KCNH1: variants seen among roughly 807,000 people sequenced by gnomAD.
KCNH1 encodes voltage-gated delayed rectifier potassium channel KCNH1.
KCNH1 carries 27 observed loss-of-function variants against 69.2 expected under a neutral mutation model. The ratio of observed to expected loss-of-function variants is 0.39; its 90% CI spans 0.29 to 0.54. KCNH1 has a LOEUF of 0.54. KCNH1 is among the 20% of genes least tolerant of loss of function. The pLI, the probability that KCNH1 is intolerant of heterozygous loss-of-function variation, is 0.68. For synonymous variants in KCNH1, 456 were observed against 487.7 expected, an observed-to-expected ratio of 0.93 and a Z score of 0.86; for missense variants, 798 against 1,261.6, an observed-to-expected ratio of 0.63 and a Z score of 5.57.
intron 7 of KCNH1, chr1:210,859,561 T>A (rs1327471742): frequency 1.3e-6 from 2 of 1,568,160 alleles, no homozygotes; most frequent in East Asian, 4.5e-5. Context: ...TTTCCCATCT[T>A]CATCAATATC....
chr1:211,029,564 A>T (rs1330429071), intron 5 of KCNH1, among the ~76,000 whole-genome samples: 3 of 152,030 alleles, frequency 2.0e-5, no homozygotes, highest in African/African-American at 7.2e-5. Context: ...AACTTAATAA[A>T]GAGCATCTAC....
chr1:210,694,491 C>T (rs1681595530), intron 10 of KCNH1, among the ~76,000 whole-genome samples: 1 of 152,126 alleles, frequency 6.6e-6, no homozygotes, highest in Non-Finnish European at 1.5e-5. Context: ...CTGCCTGAGC[C>T]CTCTGTCTGC....
At chr1:210,913,125 G>C (rs910566566) in intron 7 of KCNH1, among the ~76,000 whole-genome samples, 2 of 151,886 alleles carry the variant, frequency 1.3e-5, no homozygotes, top group African/African-American at 4.9e-5. Context: ...GTCCAAAATG[G>C]GGGCACCCAA....
intron 9 of KCNH1, among the ~76,000 whole-genome samples, chr1:210,795,453 C>T (rs1250498923): frequency 6.6e-6 from 1 of 152,026 alleles, no homozygotes; most frequent in Admixed American, 6.6e-5. Context: ...GACCACCCCG[C>T]CCAGTTTCTA....
intron 7 of KCNH1, among the ~76,000 whole-genome samples, chr1:210,868,756 C>T (rs1341313452): frequency 6.6e-6 from 1 of 152,056 alleles, no homozygotes; most frequent in African/African-American, 2.4e-5. Context: ...CTACCAACCA[C>T]TAATCTGTTT....
intron 7 of KCNH1, among the ~76,000 whole-genome samples, chr1:210,843,637 A>G (rs1037790144): frequency 6.6e-6 from 1 of 152,204 alleles, no homozygotes; most frequent in African/African-American, 2.4e-5. Flanking sequence ...AATGGCACAC[A>G]GTATTTACCA....
At chr1:210,737,562 C>T (rs143325024) in intron 10 of KCNH1, among the ~76,000 whole-genome samples, 4 of 152,296 alleles carry the variant, frequency 2.6e-5, no homozygotes, top group African/African-American at 9.6e-5. Flanking sequence ...AGGCTAATGG[C>T]TCCTGAATTT....
At position 210,800,957 on chromosome 1, in the gene KCNH1, AT is replaced by A. The variant is rs909298065; in HGVS notation, c.1662+3009del. Among the ~76,000 whole-genome samples, 11 of 152,240 alleles carry A rather than the reference AT, an allele frequency of 7.2e-5. No individual in the cohort carries two copies. The East Asian group carries it at 7.7e-4, about 11-fold the overall frequency. On this transcript the variant is annotated intron_variant, in intron 8 of 10. Coordinates refer to ENST00000271751, the MANE Select transcript of KCNH1 (RefSeq NM_172362.3). ...ACTTAGCTCCTCTCCCCATGTCTTC[AT>A]TTTTTTGAAATTGCATATAGAATTC...
chr1:210,872,686 T>A (rs1686279343), intron 7 of KCNH1, among the ~76,000 whole-genome samples: 1 of 152,004 alleles, frequency 6.6e-6, no homozygotes, highest in South Asian at 2.1e-4. Flanking sequence ...TGCTACACAC[T>A]TATAAACGAC....
At chr1:210,894,048 G>A (rs567576822) in intron 7 of KCNH1, among the ~76,000 whole-genome samples, 1 of 152,234 alleles carries the variant, frequency 6.6e-6, no homozygotes, top group East Asian at 1.9e-4. Context: ...ACCTGTAACG[G>A]TTGAGTCAGT....
intron 2 of KCNH1, among the ~76,000 whole-genome samples, chr1:211,105,183 T>C (rs1301325517): frequency 2.0e-5 from 3 of 152,232 alleles, no homozygotes; most frequent in Non-Finnish European, 4.4e-5. Flanking sequence ...ACTGAGCTTG[T>C]TAAATTATCT....
chr1:210,795,081 A>G (rs1684281289), intron 9 of KCNH1, among the ~76,000 whole-genome samples: 1 of 152,086 alleles, frequency 6.6e-6, no homozygotes, highest in South Asian at 2.1e-4. Flanking sequence ...TATTTTGGCA[A>G]ACAGTTTCAG....
At chr1:211,032,047 A>G (rs1175625941) in intron 5 of KCNH1, among the ~76,000 whole-genome samples, 1 of 152,246 alleles carries the variant, frequency 6.6e-6, no homozygotes, top group Non-Finnish European at 1.5e-5. Flanking sequence ...TAAGCTGATA[A>G]GCAACTTCAG....
chr1:211,046,447 G>C (rs1458733463), intron 5 of KCNH1, among the ~76,000 whole-genome samples: 1 of 152,080 alleles, frequency 6.6e-6, no homozygotes, highest in African/African-American at 2.4e-5. Flanking sequence ...TATGGCATTG[G>C]TTATCATTTA....
At chr1:210,705,162 G>GGCTGAGGGTGGGGAAAAGA (rs1681877234) in intron 10 of KCNH1, among the ~76,000 whole-genome samples, 1 of 152,208 alleles carries the variant, frequency 6.6e-6, no homozygotes, top group African/African-American at 2.4e-5. Flanking sequence ...CTCCCTGCCA[G>GGCTGAGGGTGGGGAAAAGA]GCTGAGGGTG....
intron 6 of KCNH1, among the ~76,000 whole-genome samples, chr1:210,935,164 A>G (rs1190153832): frequency 8.5e-6 from 1 of 117,750 alleles, no homozygotes; most frequent in African/African-American, 3.3e-5. Flanking sequence ...ACACACACAC[A>G]CGAATAGTAT....
intron 10 of KCNH1, among the ~76,000 whole-genome samples, chr1:210,755,814 C>A (rs1292118514): frequency 6.6e-6 from 1 of 152,200 alleles, no homozygotes; most frequent in Admixed American, 6.5e-5. Context: ...GCGGCTTCCA[C>A]TCACAGCAAA....
intron 10 of KCNH1, among the ~76,000 whole-genome samples, chr1:210,755,600 A>G (rs1224058951): frequency 6.6e-6 from 1 of 152,236 alleles, no homozygotes; most frequent in Non-Finnish European, 1.5e-5. Context: ...GAGGTTTGCA[A>G]AGGCATCTGC....
At chr1:210,941,645 T>C (rs34677130) in intron 6 of KCNH1, among the ~76,000 whole-genome samples, 1,699 of 152,246 alleles carry the variant, frequency 0.011, 24 homozygotes, top group Non-Finnish European at 0.018. Flanking sequence ...TCACTGGGCA[T>C]ACTTCTGAGG....
Sources: allele counts gnomAD v4.1 joint callset (sites outside exome capture counted in the v4.1 genomes callset), GRCh38; gene constraint gnomAD v4.1.1; transcripts MANE v1.5; gene names NCBI Gene and HGNC (gene_info 2026-07-23, HGNC 2026-07-21).